CD1D: variants seen among roughly 807,000 people sequenced by gnomAD.
The protein encoded by CD1D is CD1d molecule.
Under a neutral mutation model 42.1 loss-of-function variants are expected in CD1D, and 40 were observed. That is an observed-to-expected ratio of 0.95 (90% confidence interval 0.74 to 1.24). CD1D has a LOEUF of 1.24. Ranked by LOEUF, CD1D falls within the 50% of genes most tolerant of loss-of-function variation. The probability of loss-of-function intolerance (pLI) is 0.00; values close to 1 mark genes in which losing one functional copy is unlikely to be tolerated. For synonymous variants in CD1D, 178 were observed against 171.8 expected (o/e 1.04, Z -0.28); for missense variants, 437 against 416.5 (o/e 1.05, Z -0.43).
Position 158,181,160 on chromosome 1 carries a change from A to AC in CD1D, c.59_60insC (p.Glu20AspfsTer20). ...CTCCTCCAGGCTTGGGGAAGCGCTG[A>AC]AGGTGGGTGGAACGAGGGCGCTTGA... On this transcript the variant is annotated frameshift_variant and splice_region_variant, in exon 1 of 6. Transcript: ENST00000674085. LOFTEE classifies it high-confidence loss of function. The AC allele has an allele frequency of 6.5e-7, 1 of 1,549,884 alleles. No individual in the cohort carries two copies. Among genetic ancestry groups the AC allele is most frequent in the African/African-American group, 1.4e-5 (1 of 73,042 alleles).
chr1:158,179,427 G>C (rs1648292781), upstream of CD1D, among the ~76,000 whole-genome samples: 1 of 152,172 alleles, frequency 6.6e-6, no homozygotes, highest in Admixed American at 6.5e-5. Flanking sequence ...ATGGGAGAAG[G>C]GAAACATTAA....
In CD1D at chr1:158,181,564, CT is replaced by C; in HGVS notation, c.172del (p.Trp58GlyfsTer11). ...GGCTGGGGGAGCTGCAGACGCACAG[CT>C]GGAGCAACGACTCGGACACCGTCCG... ...AWLGELQTHS[W>X]SNDSDTVRSL... On this transcript the variant is annotated frameshift_variant, in exon 2 of 6. Coordinates refer to ENST00000674085, the MANE Select transcript of CD1D (RefSeq NM_001371762.2). LOFTEE classifies it high-confidence loss of function. The C allele has an allele frequency of 6.2e-7, 1 of 1,614,186 alleles. No homozygotes were observed. The highest frequency in any genetic ancestry group is 8.5e-7 in the Non-Finnish European group (1 of 1,180,050).
Position 158,182,135 on chromosome 1 carries a change from C to T in CD1D, c.432C>T (p.Phe144=), listed in dbSNP as rs1242435976. The change falls in exon 3 of 6, where the codon TTC becomes TTT. Residue 144 remains phenylalanine (F), a synonymous_variant. Transcript: ENST00000674085. The part of the protein sequence containing the change: ...VAFQGKDILS[F]QGTSWEPTQE... The stretch of plus-strand genomic sequence containing the variant: ...TTCAAGGAAAAGATATCCTGAGTTT[C>T]CAAGGAACTTCTTGGGAGCCAACCC... The T allele has an allele frequency of 9.9e-6, 16 of 1,614,170 alleles. No individual in the cohort carries two copies. The highest frequency in any genetic ancestry group is 1.3e-5 in the African/African-American group (1 of 75,024).
At position 158,182,123 on chromosome 1, in the gene CD1D, T is replaced by C; in HGVS notation, c.420T>C (p.Asp140=). 6.2e-7 allele frequency: 1 copy of C among 1,614,192 alleles called. No individual in the cohort carries two copies. The highest frequency in any genetic ancestry group is 1.7e-5 in the Admixed American group (1 of 60,024). ...TCCATGTAGCATTTCAAGGAAAAGA[T>C]ATCCTGAGTTTCCAAGGAACTTCTT... The part of the protein sequence containing the change: ...NFFHVAFQGK[D]ILSFQGTSWE... Residue 140 remains aspartate (D), a synonymous_variant, in exon 3 of 6, where the codon GAT becomes GAC. Coordinates refer to ENST00000674085, the MANE Select transcript of CD1D (RefSeq NM_001371762.2).
rs1341829329 is a variant in CD1D at position 158,185,414 on chromosome 1, A to G, written c.*1264A>G. 1.3e-5 allele frequency among the ~76,000 whole-genome samples: 2 copies of G among 152,202 alleles called. No individual in the cohort carries two copies. Among genetic ancestry groups the G allele is most frequent in the East Asian group, 1.9e-4 (1 of 5,194 alleles). On this transcript the variant is annotated 3_prime_UTR_variant, in exon 6 of 6. Transcript: ENST00000674085. ...TTCTGCTAGCTTCAACATATCCCAA[A>G]GCACTTGGATATGCCTATAATCCAA...
At chr1:158,181,885 T>C in intron 2 of CD1D, 147 bp from the exon 3 acceptor site, 3 of 1,330,396 alleles carry the variant, frequency 2.3e-6, no homozygotes, top group Non-Finnish European at 3.1e-6. Context: ...CTCCTCAAAG[T>C]GTCCCTCGTT....
chr1:158,179,926 G>A (rs1206938857), upstream of CD1D: 1 of 152,252 alleles, frequency 6.6e-6, no homozygotes, highest in Non-Finnish European at 1.5e-5. Flanking sequence ...GCATAATCTT[G>A]CAGGCCGTGC....
In CD1D at chr1:158,184,340, A is replaced by G. The variant is rs1461473046; in HGVS notation, c.*190A>G. The G allele has an allele frequency of 1.6e-6, 1 of 624,526 alleles. No homozygotes were observed. The highest frequency in any genetic ancestry group is 2.8e-6 in the Non-Finnish European group (1 of 357,382). 38.7% of individuals were successfully genotyped at this position (624,526 alleles called of 1,614,324 possible). A position where few individuals can be genotyped will look rare whatever the true frequency, so the allele number is the denominator to read the frequency against. ...TTTTAACATTTATCTAAAAGAATTTAAATTCTTTTTCAAAAATTACACTAC... is the reference window on the plus strand; with the variant it reads ...TTTTAACATTTATCTAAAAGAATTTGAATTCTTTTTCAAAAATTACACTAC... On this transcript the variant is annotated 3_prime_UTR_variant, in exon 6 of 6. Transcript: ENST00000674085.
rs750151889 is a variant in CD1D at position 158,182,104 on chromosome 1, T to C, written c.401T>C (p.Val134Ala). Residue 134 changes from valine to alanine, a missense_variant, in exon 3 of 6, where the codon GTA (valine) becomes GCA (alanine). Transcript: ENST00000674085. ...PGNASNNFFHVAFQGKDILSF... is the reference protein window; with the variant it reads ...PGNASNNFFHAAFQGKDILSF... ...AACGCCTCAAATAACTTCTTCCATG[T>C]AGCATTTCAAGGAAAAGATATCCTG... 6 of 1,613,996 alleles carry C rather than the reference T, an allele frequency of 3.7e-6. No homozygotes were observed. In the African/African-American group the frequency reaches 4.0e-5, roughly 11 times the overall value.
intron 4 of CD1D, 135 bp from the exon 5 acceptor site, chr1:158,183,801 G>A (rs1648572602): frequency 1.4e-6 from 1 of 726,776 alleles, no homozygotes; most frequent in Non-Finnish European, 2.4e-6. Context: ...AACTTATGAG[G>A]AATAGAAATT....
upstream of CD1D, among the ~76,000 whole-genome samples, chr1:158,178,060 G>A (rs1049353563): frequency 1.3e-5 from 2 of 152,326 alleles, no homozygotes; most frequent in South Asian, 4.1e-4. Context: ...GGGACTGGAC[G>A]TCCGAGAGGT....
upstream of CD1D, among the ~76,000 whole-genome samples, chr1:158,180,338 C>G (rs859009): frequency 0.12 from 18,556 of 151,988 alleles, 1,595 homozygotes; most frequent in East Asian, 0.43. Context: ...GCCGGCAGAG[C>G]CTAGGGCGGA....
chr1:158,178,489 A>G (rs534939233), upstream of CD1D, among the ~76,000 whole-genome samples: 2 of 152,362 alleles, frequency 1.3e-5, no homozygotes, highest in South Asian at 2.1e-4. Flanking sequence ...AAGAAAGCAT[A>G]TAAGATTCCA....
chr1:158,185,490 A>G lies in CD1D; in HGVS notation c.*1340A>G, dbSNP rs1022075493. Among the ~76,000 whole-genome samples the G allele has an allele frequency of 2.6e-5, 4 of 152,100 alleles. No homozygotes were observed. The highest frequency in any genetic ancestry group is 9.7e-5 in the African/African-American group (4 of 41,422). On this transcript the variant is annotated 3_prime_UTR_variant, in exon 6 of 6. Transcript: ENST00000674085. ...GATTGTTTAAGGCCAGGCATTTGAA[A>G]TCAGCCTGGGCAACATAGTGAGACC...
In CD1D at chr1:158,180,972, C is replaced by A; in HGVS notation, c.-130C>A. ...CCGGCAAGCCCAGCGAGGAGGGCTG[C>A]CGGGGTCTGGGCTTGGGAATTGGCT... On this transcript the variant is annotated 5_prime_UTR_variant, in exon 1 of 6. Coordinates refer to ENST00000674085, the MANE Select transcript of CD1D (RefSeq NM_001371762.2). The A allele has an allele frequency of 1.3e-6, 1 of 796,404 alleles. No individual in the cohort carries two copies. Among genetic ancestry groups the A allele is most frequent in the Non-Finnish European group, 1.8e-6 (1 of 546,014 alleles). 49.3% of individuals were successfully genotyped at this position (796,404 alleles called of 1,614,324 possible). A position where few individuals can be genotyped will look rare whatever the true frequency, so the allele number is the denominator to read the frequency against.
At position 158,185,614 on chromosome 1, in the gene CD1D, A is replaced by T. The variant is rs1438690747; in HGVS notation, c.*1464A>T. Among the ~76,000 whole-genome samples the T allele has an allele frequency of 6.6e-6, 1 of 152,138 alleles. No individual in the cohort carries two copies. The highest frequency in any genetic ancestry group is 1.5e-5 in the Non-Finnish European group (1 of 68,028). ...TGAGGTGGGAGGATCCCTTGAGCCC[A>T]TGAATTCCAGGTTAGTGTGAGCTGT... On this transcript the variant is annotated 3_prime_UTR_variant, in exon 6 of 6. Coordinates refer to ENST00000674085, the MANE Select transcript of CD1D (RefSeq NM_001371762.2).
At chr1:158,182,814 G>A in intron 3 of CD1D, 64 bp from the exon 4 acceptor site, 3 of 1,524,526 alleles carry the variant, frequency 2.0e-6, no homozygotes, top group Non-Finnish European at 2.7e-6. Flanking sequence ...GATGATATGA[G>A]GCCTGGAGCC....
At chr1:158,183,237 C>T in intron 4 of CD1D, 81 bp downstream of exon 4, 1 of 1,498,502 alleles carries the variant, frequency 6.7e-7, no homozygotes, top group South Asian at 1.3e-5. Flanking sequence ...TGGGATGTGG[C>T]TTGATATACC....
intron 5 of CD1D, 35 bp downstream of exon 5, chr1:158,184,070 C>A: frequency 6.2e-7 from 1 of 1,613,146 alleles, no homozygotes; most frequent in Non-Finnish European, 8.5e-7. Flanking sequence ...CAACCTCTCT[C>A]CCCTTCATTC....
Sources: allele counts gnomAD v4.1 joint callset (sites outside exome capture counted in the v4.1 genomes callset), GRCh38; gene constraint gnomAD v4.1.1; transcripts MANE v1.5; gene names NCBI Gene and HGNC (gene_info 2026-07-23, HGNC 2026-07-21).